The following PACSIN3 variants were observed in gnomAD, a reference collection of about 807,000 sequenced individuals.
The protein encoded by PACSIN3 is protein kinase C and casein kinase substrate in neurons 3, also known as protein kinase C and casein kinase substrate in neurons protein 3.
Under a neutral mutation model 56.1 loss-of-function variants are expected in PACSIN3, and 34 were observed. The ratio of observed to expected loss-of-function variants is 0.61; its 90% CI spans 0.46 to 0.81. The LOEUF (loss-of-function observed/expected upper bound fraction) is 0.81. PACSIN3 is among the 30% of genes least tolerant of loss of function. PACSIN3 has a pLI of 0.00. For missense variants in PACSIN3, 535 were observed against 592.4 expected (o/e 0.90, Z 1.01); for synonymous variants, 218 against 229.8 (o/e 0.95, Z 0.46).
In PACSIN3 at chr11:47,182,757, A is replaced by C; in HGVS notation, c.-30T>G. 6.2e-7 allele frequency: 1 copy of C among 1,601,120 alleles called. No homozygotes were observed. On this transcript the variant is annotated 5_prime_UTR_variant, in exon 3 of 11. Transcript: ENST00000298838. ...TCCCCGCAGCACGGAATGGTGGCGG[A>C]TTTGGGGCTGTGGAGGGCAGAGGGG...
Position 47,178,754 on chromosome 11 carries a change from C to G in PACSIN3, c.1037+140G>C. On this transcript the variant is annotated intron_variant, in intron 9 of 10. Coordinates refer to ENST00000298838, the MANE Select transcript of PACSIN3 (RefSeq NM_016223.5). This position sits in a 1 kb window ranked among gnomAD's most constrained non-coding sequence, Gnocchi z 4.2. Reference sequence around the variant, plus strand: ...ACCACTATGAGAACCAGTATCATTACAACTACTAAGTAGGCCCTCAGGTCC... The same window carrying G: ...ACCACTATGAGAACCAGTATCATTAGAACTACTAAGTAGGCCCTCAGGTCC... 1 of 960,558 alleles carries G rather than the reference C, an allele frequency of 1.0e-6. No individual in the cohort carries two copies. The highest frequency in any genetic ancestry group is 1.5e-6 in the Non-Finnish European group (1 of 651,702). 59.5% of individuals were successfully genotyped at this position (960,558 alleles called of 1,614,324 possible).
chr11:47,179,652 T>C lies in PACSIN3; in HGVS notation c.604-66A>G. Reference sequence around the variant, plus strand: ...TTCCACCCAGGACTCCACCAGTGTTTACCAGACACTGCCATAGGCTGCTAG... The same window carrying C: ...TTCCACCCAGGACTCCACCAGTGTTCACCAGACACTGCCATAGGCTGCTAG... On this transcript the variant is annotated intron_variant, in intron 6 of 10. Coordinates refer to ENST00000298838, the MANE Select transcript of PACSIN3 (RefSeq NM_016223.5). The surrounding 1 kb of genome is among the most constrained non-coding windows in gnomAD (Gnocchi z 4.4). 1 of 1,509,430 alleles carries C rather than the reference T, an allele frequency of 6.6e-7. No homozygotes were observed. The highest frequency in any genetic ancestry group is 9.0e-7 in the Non-Finnish European group (1 of 1,106,432). The allele number at this position is 1,509,430 out of a possible 1,614,324, so 93.5% of individuals were successfully genotyped here. A position where few individuals can be genotyped will look rare whatever the true frequency, so the allele number is the denominator to read the frequency against.
chr11:47,179,601 A>T lies in PACSIN3; in HGVS notation c.604-15T>A. 6.2e-7 allele frequency: 1 copy of T among 1,610,408 alleles called. No homozygotes were observed. The highest frequency in any genetic ancestry group is 1.1e-5 in the South Asian group (1 of 91,058). On this transcript the variant is annotated splice_polypyrimidine_tract_variant and intron_variant, in intron 6 of 10. Coordinates refer to ENST00000298838, the MANE Select transcript of PACSIN3 (RefSeq NM_016223.5). The surrounding 1 kb of genome is among the most constrained non-coding windows in gnomAD (Gnocchi z 4.4). ...TGAGCTTTTGTCTGGGTGGGAGAGG[A>T]GGGGCCTGGTGAGAACCAGACCTTC...
chr11:47,180,786 G>A (rs1039069652), intron 4 of PACSIN3, 96 bp from the exon 5 acceptor site: 19 of 927,956 alleles, frequency 2.0e-5, no homozygotes, highest in East Asian at 5.3e-5. Flanking sequence ...CATGGGGTAC[G>A]CGCATGGGGT....
In PACSIN3 at chr11:47,179,844, G is replaced by T. The variant is rs1175234994; in HGVS notation, c.604-258C>A. On this transcript the variant is annotated intron_variant, in intron 6 of 10. Coordinates refer to ENST00000298838, the MANE Select transcript of PACSIN3 (RefSeq NM_016223.5). The surrounding 1 kb of genome is among the most constrained non-coding windows in gnomAD (Gnocchi z 4.4). ...GAAAGGATGGGAGAAATCAGAAAAG[G>T]CTTCCTGGAGGAGGTGGAAACTGCA... 3 of 561,924 alleles carry T rather than the reference G, an allele frequency of 5.3e-6. No individual in the cohort carries two copies. The highest frequency in any genetic ancestry group is 9.4e-6 in the Non-Finnish European group (3 of 317,902). The allele number at this position is 561,924 out of a possible 1,614,324, so 34.8% of individuals were successfully genotyped here. A position where few individuals can be genotyped will look rare whatever the true frequency, so the allele number is the denominator to read the frequency against.
rs750516466 is a variant in PACSIN3 at position 47,179,033 on chromosome 11, G to A, written c.901-3C>T. ...CTCTGTGTGTCCAAGGACCACTCCT[G>A]TGGGGACAGTGCTTATAGTCAGGTG... On this transcript the variant is annotated splice_polypyrimidine_tract_variant and splice_region_variant and intron_variant, in intron 8 of 10. Coordinates refer to ENST00000298838, the MANE Select transcript of PACSIN3 (RefSeq NM_016223.5). The surrounding 1 kb of genome is among the most constrained non-coding windows in gnomAD (Gnocchi z 4.4). The A allele has an allele frequency of 6.2e-7, 1 of 1,614,138 alleles. No homozygotes were observed. Among genetic ancestry groups the A allele is most frequent in the South Asian group, 1.1e-5 (1 of 91,086 alleles).
In PACSIN3 at chr11:47,178,169, C is replaced by T; in HGVS notation, c.1160-123G>A. The T allele has an allele frequency of 4.3e-6, 5 of 1,166,626 alleles. No individual in the cohort carries two copies. The highest frequency in any genetic ancestry group is 6.2e-6 in the Non-Finnish European group (5 of 809,744). 72.3% of individuals were successfully genotyped at this position (1,166,626 alleles called of 1,614,324 possible). Reference sequence around the variant, plus strand: ...CCAGCTAGCAAAGACATGGCTCAGGCAGAGGCAGGTCAAGGTCAGCAAGCT... The same window carrying T: ...CCAGCTAGCAAAGACATGGCTCAGGTAGAGGCAGGTCAAGGTCAGCAAGCT... On this transcript the variant is annotated intron_variant, in intron 10 of 10. Transcript: ENST00000298838. This position sits in a 1 kb window ranked among gnomAD's most constrained non-coding sequence, Gnocchi z 4.2.
chr11:47,183,290 G>A (rs1953063753), intron 1 of PACSIN3: 1 of 152,630 alleles, frequency 6.6e-6, no homozygotes, highest in Non-Finnish European at 1.5e-5. Flanking sequence ...TCCTGCCCAG[G>A]CTAGGGCCTC....
rs1952944677 is a variant in PACSIN3, at chr11:47,178,633, C to T, written c.1038-146G>A. 6.3e-6 allele frequency: 7 copies of T among 1,114,364 alleles called. No homozygotes were observed. The South Asian group carries it at 1.1e-4, about 18-fold the overall frequency. 69.0% of individuals were successfully genotyped at this position (1,114,364 alleles called of 1,614,324 possible). A position where few individuals can be genotyped will look rare whatever the true frequency, so the allele number is the denominator to read the frequency against. ...TACTAAAGATTCTAGCTCTACCTCG[C>T]CATGCCCGACTGTGAGCAAAGAGGC... On this transcript the variant is annotated intron_variant, in intron 9 of 10. Transcript: ENST00000298838. The surrounding 1 kb of genome is among the most constrained non-coding windows in gnomAD (Gnocchi z 4.2).
At chr11:47,183,556 G>A (rs746839417) in intron 1 of PACSIN3, among the ~76,000 whole-genome samples, 5 of 152,186 alleles carry the variant, frequency 3.3e-5, no homozygotes, top group Non-Finnish European at 7.4e-5. Context: ...CTCAAACCAA[G>A]CAACGCACCA....
chr11:47,178,577 C>G lies in PACSIN3; in HGVS notation c.1038-90G>C. On this transcript the variant is annotated intron_variant, in intron 9 of 10. Coordinates refer to ENST00000298838, the MANE Select transcript of PACSIN3 (RefSeq NM_016223.5). The surrounding 1 kb of genome is among the most constrained non-coding windows in gnomAD (Gnocchi z 4.2). ...AGGATCAGGGCAAAGGCCTCCCTAC[C>G]CCCAGAGGCACCTGGGAGAGTCAGG... 5 of 1,493,708 alleles carry G rather than the reference C, an allele frequency of 3.3e-6. 1 individual carries two copies. The highest frequency in any genetic ancestry group is 4.5e-6 in the Non-Finnish European group (5 of 1,107,576). 92.5% of individuals were successfully genotyped at this position (1,493,708 alleles called of 1,614,324 possible). A position where few individuals can be genotyped will look rare whatever the true frequency, so the allele number is the denominator to read the frequency against.
At chr11:47,181,928 G>A (rs944389011) in intron 4 of PACSIN3, among the ~76,000 whole-genome samples, 5 of 152,068 alleles carry the variant, frequency 3.3e-5, no homozygotes, top group African/African-American at 1.2e-4. Context: ...TGAGGTGGGT[G>A]GATTACCTGA....
Position 47,182,517 on chromosome 11 carries a change from G to A in PACSIN3, c.97C>T (p.His33Tyr), listed in dbSNP as rs772851730. 1.2e-6 allele frequency: 2 copies of A among 1,612,816 alleles called. No individual in the cohort carries two copies. The highest frequency in any genetic ancestry group is 2.2e-5 in the East Asian group (1 of 44,878). The change falls in exon 4 of 11, where the codon CAC becomes TAC. Residue 33 changes from histidine to tyrosine, a missense_variant. Transcript: ENST00000298838. ...CTGACCAGGTCCCCGCACAGCCGGT[G>A]CCCGTCCTCCACCCGCTGTACCGTG... ...RRTVQRVEDG[H>Y]RLCGDLVSCF...
At chr11:47,181,058 C>G (rs1184537799) in intron 4 of PACSIN3, among the ~76,000 whole-genome samples, 1 of 151,704 alleles carries the variant, frequency 6.6e-6, no homozygotes, top group East Asian at 2.0e-4. Context: ...GTCAGGAGAT[C>G]GAGACCATCC....
chr11:47,185,863 ACTTGTT>A (rs1953111772), intron 1 of PACSIN3: 1 of 152,180 alleles, frequency 6.6e-6, no homozygotes, highest in Non-Finnish European at 1.5e-5. Flanking sequence ...TCTTGGCCAA[ACTTGTT>A]GAACTTGGTC....
In PACSIN3 at chr11:47,180,517, T is replaced by C. The variant is rs1278352696; in HGVS notation, c.385A>G (p.Ser129Gly). 8.1e-6 allele frequency: 13 copies of C among 1,603,698 alleles called. 1 individual carries two copies. In the South Asian group the frequency reaches 1.3e-4, roughly 16 times the overall value. The change falls in exon 5 of 11, where the codon AGC becomes GGC. Residue 129 changes from serine to glycine, a missense_variant. By Grantham distance (56) the Ser-to-Gly change is moderately conservative (BLOSUM62 0). Coordinates refer to ENST00000298838, the MANE Select transcript of PACSIN3 (RefSeq NM_016223.5). ...HRPVLGGFRE[S>G]RAAEDGFRKA... The stretch of plus-strand genomic sequence containing the variant: ...CGGAAGCCGTCCTCGGCCGCCCGGC[T>C]CTCGCGGAAGCCGCCCAGCACAGGC...
intron 6 of PACSIN3, 93 bp downstream of exon 6, chr11:47,180,093 G>T: frequency 8.5e-7 from 1 of 1,180,774 alleles, no homozygotes; most frequent in Non-Finnish European, 1.2e-6. Context: ...GGTAATAAGG[G>T]TGCTGGGGAC....
At chr11:47,182,328 G>A (rs987784283) in intron 4 of PACSIN3, 75 bp downstream of exon 4, 29 of 1,450,996 alleles carry the variant, frequency 2.0e-5, no homozygotes, top group African/African-American at 7.0e-5. Context: ...AACTTCCCAC[G>A]AGACGTGCAA....
chr11:47,182,916 C>G, intron 2 of PACSIN3, 88 bp downstream of exon 2: 1 of 553,680 alleles, frequency 1.8e-6, no homozygotes, highest in Non-Finnish European at 3.1e-6. Context: ...GTGCTGAAGA[C>G]CCTAAGAAGG....
Sources: gnomAD v4.1 joint callset for allele counts (sites outside exome capture counted in the v4.1 genomes callset) on GRCh38, gnomAD v4.1.1 for gene constraint, Gnocchi (gnomAD v3.1) non-coding constraint, MANE v1.5 for transcripts, NCBI Gene and HGNC (gene_info 2026-07-23, HGNC 2026-07-21) for gene names.